The following TNKS variants were observed in gnomAD, a reference collection of about 807,000 sequenced individuals.
The protein encoded by TNKS is poly [ADP-ribose] polymerase tankyrase-1.
In TNKS, 72 loss-of-function variants were observed where a neutral mutation model predicts 135.8. The ratio of observed to expected loss-of-function variants is 0.53; its 90% confidence interval spans 0.44 to 0.64. The LOEUF (loss-of-function observed/expected upper bound fraction) is 0.64, where lower values mean the gene tolerates loss of function less well. Among genes scored for constraint, TNKS ranks in the 30% least tolerant of loss-of-function variants. TNKS has a pLI of 0.00. For synonymous variants in TNKS, 849 were observed against 649.3 expected (o/e 1.31, Z -4.68); for missense variants, 1,769 against 1,674.0 (o/e 1.06, Z -0.99).
chr8:9,740,307 A>G (rs1481285729), intron 17 of TNKS, among the ~76,000 whole-genome samples: 1 of 152,152 alleles, frequency 6.6e-6, no homozygotes, highest in Admixed American at 6.5e-5. Flanking sequence ...CATACGTACC[A>G]GGTGTTCTCA....
chr8:9,742,423 C>T (rs1384754651), intron 17 of TNKS, among the ~76,000 whole-genome samples: 1 of 150,880 alleles, frequency 6.6e-6, no homozygotes, highest in East Asian at 1.9e-4. Flanking sequence ...CATACAGTGA[C>T]TCTCAGTTGG....
At chr8:9,736,320 C>T (rs1230387069) in intron 17 of TNKS, among the ~76,000 whole-genome samples, 6 of 143,612 alleles carry the variant, frequency 4.2e-5, no homozygotes, top group Non-Finnish European at 6.0e-5. Context: ...GAGTTCAAGG[C>T]CACCCTGATC....
At chr8:9,772,859 G>GTGTA (rs1480188419) in intron 26 of TNKS, among the ~76,000 whole-genome samples, 3 of 136,954 alleles carry the variant, frequency 2.2e-5, no homozygotes, top group Non-Finnish European at 4.7e-5. Flanking sequence ...GTGTGTGTGT[G>GTGTA]TAGTGCGTAT....
intron 1 of TNKS, among the ~76,000 whole-genome samples, chr8:9,573,300 T>A (rs981727702): frequency 6.6e-6 from 1 of 152,136 alleles, no homozygotes; most frequent in Non-Finnish European, 1.5e-5. Context: ...GGCTGCCACA[T>A]GGTCAGATAA....
At chr8:9,741,922 A>T (rs1379640019) in intron 17 of TNKS, among the ~76,000 whole-genome samples, 1 of 152,164 alleles carries the variant, frequency 6.6e-6, no homozygotes, top group Non-Finnish European at 1.5e-5. Context: ...TTCTAACTCC[A>T]AGTAAGAAAA....
chr8:9,731,113 T>C, intron 14 of TNKS, 78 bp downstream of exon 14: 9 of 1,389,782 alleles, frequency 6.5e-6, no homozygotes, highest in Non-Finnish European at 8.5e-6. Context: ...AAGTCTTAGA[T>C]TTTTTCTGTA....
rs1808477585 is a variant in TNKS at position 9,782,072 on chromosome 8, A to G, written c.*5336A>G. 6.6e-6 allele frequency: 1 copy of G among 152,312 alleles called. No homozygotes were observed. The highest frequency in any genetic ancestry group is 2.4e-5 in the African/African-American group (1 of 41,440). 9.4% of individuals were successfully genotyped at this position (152,312 alleles called of 1,614,324 possible). On this transcript the variant is annotated 3_prime_UTR_variant, in exon 27 of 27. Transcript: ENST00000310430. Reference sequence around the variant, plus strand: ...GTTTTTCTCATTGTTTGGTTTTTCTAAATCTGGCAATCCTACAGCTGTGGT... The same window carrying G: ...GTTTTTCTCATTGTTTGGTTTTTCTGAATCTGGCAATCCTACAGCTGTGGT...
At chr8:9,660,241 G>A (rs1314925383) in intron 3 of TNKS, among the ~76,000 whole-genome samples, 1 of 152,146 alleles carries the variant, frequency 6.6e-6, no homozygotes, top group Non-Finnish European at 1.5e-5. Flanking sequence ...ATTTTATGAG[G>A]CCAGCATCAT....
In TNKS at chr8:9,566,712, C is replaced by T. The variant is rs975212617; in HGVS notation, c.673+10100C>T. ...CAAGCTCCGCCTCCCGGGTTCACGC[C>T]ATTCTCCTGCCTCAGCCTCCCGAGT... On this transcript the variant is annotated intron_variant, in intron 1 of 26. Coordinates refer to ENST00000310430, the MANE Select transcript of TNKS (RefSeq NM_003747.3). 1.1e-4 allele frequency among the ~76,000 whole-genome samples: 17 copies of T among 150,866 alleles called. 2 individuals carry two copies. The highest frequency in any genetic ancestry group is 4.1e-4 in the African/African-American group (17 of 41,114).
chr8:9,598,337 G>A (rs139187781), intron 2 of TNKS, among the ~76,000 whole-genome samples: 38 of 152,130 alleles, frequency 2.5e-4, no homozygotes, highest in African/African-American at 6.5e-4. Flanking sequence ...GTGAGCCACC[G>A]CGCCCGGCCA....
At chr8:9,609,242 T>A (rs893453018) in intron 2 of TNKS, among the ~76,000 whole-genome samples, 4 of 152,220 alleles carry the variant, frequency 2.6e-5, no homozygotes, top group Non-Finnish European at 5.9e-5. Flanking sequence ...GCATTTTAGA[T>A]TATTTATGTG....
chr8:9,778,563 G>A lies in TNKS; in HGVS notation c.*1827G>A, dbSNP rs1305861975. On this transcript the variant is annotated 3_prime_UTR_variant, in exon 27 of 27. Transcript: ENST00000310430. ...ATTAAATCGAGAATTAGCCTCAGTT[G>A]TTGCTTCTTTTGAAGTTTCAGTGAC... 6.6e-6 allele frequency: 1 copy of A among 152,618 alleles called. No homozygotes were observed. The allele number at this position is 152,618 out of a possible 1,614,324, so 9.5% of individuals were successfully genotyped here.
intron 17 of TNKS, chr8:9,741,654 C>T: frequency 2.0e-6 from 1 of 492,200 alleles, no homozygotes; most frequent in Non-Finnish European, 4.4e-6. Context: ...ACCTTTTGAT[C>T]CCCATCAGTT....
intron 3 of TNKS, among the ~76,000 whole-genome samples, chr8:9,619,357 A>G (rs776540290): frequency 1.1e-4 from 16 of 152,206 alleles, no homozygotes; most frequent in Admixed American, 3.3e-4. Flanking sequence ...TGGAAAGGAT[A>G]GAGGGAGCAG....
intron 5 of TNKS, among the ~76,000 whole-genome samples, chr8:9,696,472 G>A (rs1382412857): frequency 6.6e-6 from 1 of 151,898 alleles, no homozygotes; most frequent in African/African-American, 2.4e-5. Context: ...GAAATAAAAG[G>A]CATCTGGATA....
intron 1 of TNKS, among the ~76,000 whole-genome samples, chr8:9,579,934 G>GT (rs1032928667): frequency 1.3e-5 from 2 of 152,148 alleles, no homozygotes; most frequent in African/African-American, 4.8e-5. Flanking sequence ...TTTAGAAAAT[G>GT]TTTTTTGAAT....
intron 2 of TNKS, among the ~76,000 whole-genome samples, chr8:9,587,465 T>G (rs866184844): frequency 2.4e-4 from 36 of 151,634 alleles, no homozygotes; most frequent in African/African-American, 7.3e-4. Flanking sequence ...AGTGGCACAG[T>G]CTCGGCTCAC....
At chr8:9,689,745 C>T (rs1444746940) in intron 5 of TNKS, among the ~76,000 whole-genome samples, 4 of 152,152 alleles carry the variant, frequency 2.6e-5, no homozygotes, top group Admixed American at 6.5e-5. Context: ...AGCATATCTG[C>T]AGAATCCTAG....
chr8:9,698,600 A>G (rs1803642740), intron 5 of TNKS, among the ~76,000 whole-genome samples: 1 of 152,156 alleles, frequency 6.6e-6, no homozygotes, highest in South Asian at 2.1e-4. Flanking sequence ...ACAAATACCT[A>G]GTAAAATTTC....
Sources: gnomAD v4.1 joint callset for allele counts (sites outside exome capture counted in the v4.1 genomes callset) on GRCh38, gnomAD v4.1.1 for gene constraint, MANE v1.5 for transcripts, NCBI Gene and HGNC (gene_info 2026-07-23, HGNC 2026-07-21) for gene names.